Variants in TGM3 observed in about 807,000 individuals in gnomAD.
TGM3 encodes transglutaminase 3, also known as protein-glutamine gamma-glutamyltransferase E.
TGM3 carries 52 observed loss-of-function variants against 73.8 expected under a neutral mutation model. The observed-to-expected ratio is 0.70, with a 90% CI of 0.56 to 0.89. The LOEUF (loss-of-function observed/expected upper bound fraction) is 0.89, where lower values mean the gene tolerates loss of function less well. Among genes scored for constraint, TGM3 ranks in the 40% least tolerant of loss-of-function variants. The pLI is 0.00. For synonymous variants in TGM3, 372 were observed against 354.9 expected, an observed-to-expected ratio of 1.05 and a Z score of -0.54; for missense variants, 928 against 909.9, an observed-to-expected ratio of 1.02 and a Z score of -0.26.
At chr20:2,319,789 G>A (rs2084253586) in intron 7 of TGM3, among the ~76,000 whole-genome samples, 2 of 152,192 alleles carry the variant, frequency 1.3e-5, no homozygotes, top group South Asian at 4.1e-4. Flanking sequence ...ATGGTTGGGG[G>A]AGCCAGCCCT....
At chr20:2,317,303 G>A (rs1481148093) in intron 6 of TGM3, 47 bp from the exon 7 acceptor site, 2 of 1,613,996 alleles carry the variant, frequency 1.2e-6, no homozygotes, top group Middle Eastern at 1.6e-4. Flanking sequence ...GCTATGCCAA[G>A]GTACCATCTC....
intron 1 of TGM3, among the ~76,000 whole-genome samples, chr20:2,305,673 G>A (rs561423413): frequency 1.3e-5 from 2 of 152,198 alleles, no homozygotes; most frequent in Non-Finnish European, 2.9e-5. Flanking sequence ...AGGGAGCAAG[G>A]CTCGTTGGTG....
At chr20:2,324,095 C>A (rs1053095476) in intron 7 of TGM3, among the ~76,000 whole-genome samples, 2 of 151,926 alleles carry the variant, frequency 1.3e-5, no homozygotes, top group African/African-American at 4.8e-5. Flanking sequence ...TGGATAATTT[C>A]TAGTCATCTA....
At chr20:2,302,171 G>T (rs1309553440) in intron 1 of TGM3, among the ~76,000 whole-genome samples, 1 of 152,198 alleles carries the variant, frequency 6.6e-6, no homozygotes, top group Non-Finnish European at 1.5e-5. Context: ...CCCCTCTGTG[G>T]TGTGGTCCTC....
chr20:2,338,035 CTA>C lies in TGM3; in HGVS notation c.1801-1817_1801-1816del, dbSNP rs950739048. Among the ~76,000 whole-genome samples, 42 of 152,144 alleles carry C rather than the reference CTA, an allele frequency of 2.8e-4. 4 individuals are homozygous for C. Among genetic ancestry groups the C allele is most frequent in the Middle Eastern group, 3.4e-3 (1 of 294 alleles). ...TCACCTAATCGAGACATTCTTGTCT[CTA>C]TTGAACGGATCAATGCCTAGCTCAC... is the stretch of plus-strand genomic sequence containing the variant. On this transcript the variant is annotated intron_variant, in intron 11 of 12. Coordinates refer to ENST00000381458, the MANE Select transcript of TGM3 (RefSeq NM_003245.4).
Position 2,334,536 on chromosome 20 carries a change from A to C in TGM3, c.1643-580A>C, listed in dbSNP as rs16983963. Among the ~76,000 whole-genome samples the C allele has an allele frequency of 0.05, 7,552 of 152,236 alleles. 626 individuals are homozygous for C. The highest frequency in any genetic ancestry group is 0.17 in the African/African-American group (7,140 of 41,518). ...CTATTAGATGACGGGGAGGATCCTA[A>C]GCGTTTGTTTAGCCAATACCCTGGC... On this transcript the variant is annotated intron_variant, in intron 10 of 12. Transcript: ENST00000381458. This position sits in a 1 kb window ranked among gnomAD's most constrained non-coding sequence, Gnocchi z 4.0.
chr20:2,319,841 C>T (rs2084253863), intron 7 of TGM3, among the ~76,000 whole-genome samples: 1 of 152,242 alleles, frequency 6.6e-6, no homozygotes, highest in South Asian at 2.1e-4. Flanking sequence ...TAGCTCCAGC[C>T]CTACCACCCA....
In TGM3 at chr20:2,334,936, G is replaced by A. The variant is rs1359173263; in HGVS notation, c.1643-180G>A. On this transcript the variant is annotated intron_variant, in intron 10 of 12. Transcript: ENST00000381458. The surrounding 1 kb of genome is among the most constrained non-coding windows in gnomAD (Gnocchi z 4.0). ...CTGGGGCCTCTTTGCCCCCTGCTCT[G>A]GAGCCCACCCTGACCGGGGGACGCT... Among the ~76,000 whole-genome samples the A allele has an allele frequency of 8.5e-5, 13 of 152,082 alleles. No homozygotes were observed. The highest frequency in any genetic ancestry group is 2.6e-4 in the Admixed American group (4 of 15,280).
chr20:2,335,378 G>A (rs1313379544), intron 11 of TGM3, 105 bp downstream of exon 11: 1 of 1,441,332 alleles, frequency 6.9e-7, no homozygotes, highest in Non-Finnish European at 9.4e-7. Context: ...GAGGGCAAAG[G>A]AGAGTTTTTT....
intron 9 of TGM3, among the ~76,000 whole-genome samples, chr20:2,329,939 C>T (rs141930276): frequency 4.6e-5 from 7 of 152,106 alleles, no homozygotes; most frequent in Non-Finnish European, 1.0e-4. Context: ...GCAGGCGCTG[C>T]TTACATGACT....
chr20:2,324,420 G>C (rs2084276316), intron 7 of TGM3, among the ~76,000 whole-genome samples: 1 of 152,102 alleles, frequency 6.6e-6, no homozygotes, highest in Non-Finnish European at 1.5e-5. Context: ...CTGGTTCTTT[G>C]TTTGTTGAGT....
chr20:2,311,171 C>T (rs1451903925), intron 4 of TGM3, 42 bp downstream of exon 4: 3 of 1,531,192 alleles, frequency 2.0e-6, no homozygotes, highest in Non-Finnish European at 2.7e-6. Context: ...GTCCCTGTTA[C>T]CCAAGAAGCT....
chr20:2,325,429 C>A (rs1241567357), intron 7 of TGM3, among the ~76,000 whole-genome samples: 2 of 152,138 alleles, frequency 1.3e-5, no homozygotes, highest in South Asian at 2.1e-4. Flanking sequence ...CGGCCAACAC[C>A]AAGCACAGAA....
intron 7 of TGM3, among the ~76,000 whole-genome samples, chr20:2,319,925 G>A (rs370478457): frequency 1.3e-5 from 2 of 152,182 alleles, no homozygotes; most frequent in East Asian, 3.9e-4. Context: ...TATAAGGGTT[G>A]GCCTAGGACT....
chr20:2,305,771 TG>T (rs2084173619), intron 1 of TGM3, among the ~76,000 whole-genome samples: 1 of 151,844 alleles, frequency 6.6e-6, no homozygotes. Flanking sequence ...CACTGTGGAG[TG>T]GGGTGACAAC....
Position 2,340,951 on chromosome 20 carries a change from G to A in TGM3, c.*370G>A, listed in dbSNP as rs1291367467. On this transcript the variant is annotated 3_prime_UTR_variant, in exon 13 of 13. Transcript: ENST00000381458. ...GAGAAGCTGGTCTAGACTGTTTGCT[G>A]ATCCCCAACCTGCACGGGGCATTCC... 2.1e-6 allele frequency: 1 copy of A among 471,046 alleles called. No homozygotes were observed. The highest frequency in any genetic ancestry group is 1.5e-5 in the South Asian group (1 of 64,672). 29.2% of individuals were successfully genotyped at this position (471,046 alleles called of 1,614,324 possible).
At chr20:2,296,524 A>G (rs2084108775) in intron 1 of TGM3, among the ~76,000 whole-genome samples, 2 of 152,092 alleles carry the variant, frequency 1.3e-5, no homozygotes, top group African/African-American at 4.8e-5. Flanking sequence ...GTAACATGTA[A>G]GTTGATTTGA....
In TGM3 at chr20:2,339,916, G is replaced by C; in HGVS notation, c.1863G>C (p.Leu621=). ...TGCAGATGCTCTTCTCCAATCCACT[G>C]GATGAGCCGGTGAGGGACTGCGTGC... ...VNVQMLFSNP[L]DEPVRDCVLM... The change falls in exon 12 of 13, where the codon CTG becomes CTC. Residue 621 remains leucine, a synonymous_variant. Transcript: ENST00000381458. 6.2e-7 allele frequency: 1 copy of C among 1,613,782 alleles called. No individual in the cohort carries two copies. Among genetic ancestry groups the C allele is most frequent in the South Asian group, 1.1e-5 (1 of 91,056 alleles).
At chr20:2,322,078 C>T (rs2084265580) in intron 7 of TGM3, among the ~76,000 whole-genome samples, 1 of 151,908 alleles carries the variant, frequency 6.6e-6, no homozygotes, top group South Asian at 2.1e-4. Context: ...GACCATCTTC[C>T]CACACTCCTT....
Sources: gnomAD v4.1 joint callset for allele counts (sites outside exome capture counted in the v4.1 genomes callset) on GRCh38, gnomAD v4.1.1 for gene constraint, Gnocchi (gnomAD v3.1) non-coding constraint, MANE v1.5 for transcripts, NCBI Gene and HGNC (gene_info 2026-07-23, HGNC 2026-07-21) for gene names.